Variants in HTR4 observed in about 807,000 individuals in gnomAD.
HTR4 encodes 5-hydroxytryptamine receptor 4, also known as 5-hydroxytryptamine (serotonin) receptor 4, G protein-coupled.
HTR4 carries 16 observed loss-of-function variants against 36.8 expected under a neutral mutation model. The ratio of observed to expected loss-of-function variants is 0.43; its 90% confidence interval spans 0.29 to 0.66. The LOEUF (loss-of-function observed/expected upper bound fraction) is 0.66. HTR4 is among the 30% of genes least tolerant of loss of function. HTR4 has a pLI of 0.13. For missense variants in HTR4, 438 were observed against 490.9 expected (o/e 0.89, Z 1.02); for synonymous variants, 189 against 185.1 (o/e 1.02, Z -0.17).
chr5:148,545,688 G>C (rs115350554), intron 4 of HTR4, among the ~76,000 whole-genome samples: 2,340 of 152,274 alleles, frequency 0.015, 23 homozygotes, highest in Middle Eastern at 0.048. Flanking sequence ...TGAGCAGAGA[G>C]CCCTGGAGAA....
At chr5:148,538,884 T>A (rs1317945631) in intron 4 of HTR4, among the ~76,000 whole-genome samples, 2 of 152,104 alleles carry the variant, frequency 1.3e-5, no homozygotes, top group Non-Finnish European at 2.9e-5. Flanking sequence ...TATTTTAAAA[T>A]TAATATGGAA....
chr5:148,635,554 T>C (rs547197647), intron 2 of HTR4, among the ~76,000 whole-genome samples: 1 of 152,312 alleles, frequency 6.6e-6, no homozygotes, highest in East Asian at 1.9e-4. Context: ...AATCTAATGC[T>C]GCTATAAATA....
At chr5:148,622,438 C>T (rs779238809) in intron 2 of HTR4, among the ~76,000 whole-genome samples, 1 of 152,170 alleles carries the variant, frequency 6.6e-6, no homozygotes, top group African/African-American at 2.4e-5. Context: ...TCCCAACCTA[C>T]AAGAAACACT....
At chr5:148,583,751 T>C (rs1393184182) in intron 2 of HTR4, among the ~76,000 whole-genome samples, 2 of 152,046 alleles carry the variant, frequency 1.3e-5, no homozygotes, top group East Asian at 3.9e-4. Flanking sequence ...ACTGTGGAGA[T>C]GATGAGTCCT....
At position 148,523,265 on chromosome 5, in the gene HTR4, G is replaced by A; in HGVS notation, c.435C>T (p.Cys145=). 2 of 1,613,420 alleles carry A rather than the reference G, an allele frequency of 1.2e-6. No homozygotes were observed. The highest frequency in any genetic ancestry group is 1.7e-6 in the Non-Finnish European group (2 of 1,179,662). ...AAGAAATAAACGTGGGGATGACCCA[G>A]CAGCCTCCCAGCATTAATGCGATGC... The part of the protein sequence containing the change: ...PLRIALMLGG[C]WVIPTFISFL... Residue 145 remains cysteine, a synonymous_variant, in exon 5 of 7, where the codon TGC becomes TGT. Coordinates refer to ENST00000377888, the MANE Select transcript of HTR4 (RefSeq NM_000870.7).
chr5:148,535,487 C>T (rs2113821177), intron 4 of HTR4, among the ~76,000 whole-genome samples: 1 of 152,068 alleles, frequency 6.6e-6, no homozygotes, highest in Non-Finnish European at 1.5e-5. Context: ...CCAAGACACA[C>T]AATAAAATGA....
At chr5:148,594,219 A>C (rs1038664350) in intron 2 of HTR4, among the ~76,000 whole-genome samples, 13 of 152,142 alleles carry the variant, frequency 8.5e-5, no homozygotes, top group African/African-American at 3.1e-4. Flanking sequence ...TCTCACAGAC[A>C]GGTAAATGCT....
intron 1 of HTR4, among the ~76,000 whole-genome samples, chr5:148,637,446 T>C (rs79887119): frequency 0.011 from 1,729 of 152,300 alleles, 38 homozygotes; most frequent in African/African-American, 0.04. Flanking sequence ...ATTTTGTTCC[T>C]ATGAGGATTT....
chr5:148,510,023 A>G lies in HTR4; in HGVS notation c.509T>C (p.Ile170Thr), dbSNP rs1757422854. ...GTTCTGGTTGAACTTCCTCTTTTCT[A>G]TCTGAGAGTTGGAGGGAGAGAGGAA... is the stretch of plus-strand genomic sequence containing the variant. ...GWNNIGIIDL[I>T]EKRKFNQNSN... The change falls in exon 6 of 7, where the codon ATA becomes ACA. Residue 170 changes from isoleucine to threonine, a missense_variant and splice_region_variant. By Grantham distance (89) the Ile-to-Thr change is moderately conservative (BLOSUM62 -1). Transcript: ENST00000377888. The G allele has an allele frequency of 6.2e-7, 1 of 1,603,374 alleles. No individual in the cohort carries two copies. The highest frequency in any genetic ancestry group is 1.7e-4 in the Middle Eastern group (1 of 6,006).
intron 2 of HTR4, among the ~76,000 whole-genome samples, chr5:148,612,673 A>C (rs1752486940): frequency 7.1e-6 from 1 of 141,842 alleles, no homozygotes; most frequent in African/African-American, 2.7e-5. Context: ...AGAAATAACT[A>C]AAATCAGAGC....
intron 2 of HTR4, among the ~76,000 whole-genome samples, chr5:148,550,759 A>T (rs1759642694): frequency 6.6e-6 from 1 of 152,318 alleles, no homozygotes; most frequent in South Asian, 2.1e-4. Context: ...ATGCAACCAC[A>T]GGGTGGAACC....
chr5:148,490,554 G>A, intron 6 of HTR4: 1 of 1,120,700 alleles, frequency 8.9e-7, no homozygotes, highest in South Asian at 2.1e-5. Flanking sequence ...GTAACTCACA[G>A]AATCACAAAA....
chr5:148,561,426 A>G (rs1760201758), intron 2 of HTR4, among the ~76,000 whole-genome samples: 1 of 152,230 alleles, frequency 6.6e-6, no homozygotes, highest in Non-Finnish European at 1.5e-5. Context: ...TTAATCATTA[A>G]GGATTCAATT....
At chr5:148,596,531 C>T (rs925834282) in intron 2 of HTR4, among the ~76,000 whole-genome samples, 4 of 152,142 alleles carry the variant, frequency 2.6e-5, no homozygotes, top group Non-Finnish European at 5.9e-5. Context: ...GGGGCTGGGG[C>T]TGGCTTTTTT....
chr5:148,550,283 C>A, intron 2 of HTR4, 21 bp from the exon 3 acceptor site: 1 of 1,613,300 alleles, frequency 6.2e-7, no homozygotes, highest in Non-Finnish European at 8.5e-7. Context: ...CACACAAGCA[C>A]AAAGAATTGA....
intron 2 of HTR4, among the ~76,000 whole-genome samples, chr5:148,621,466 C>T (rs555412012): frequency 6.6e-6 from 1 of 152,326 alleles, no homozygotes; most frequent in South Asian, 2.1e-4. Context: ...CCTAGCAGTA[C>T]CTGCCAGTTG....
chr5:148,481,834 A>G lies in HTR4; in HGVS notation c.*1369T>C. 1.5e-6 allele frequency: 2 copies of G among 1,329,040 alleles called. No homozygotes were observed. Among genetic ancestry groups the G allele is most frequent in the Non-Finnish European group, 1.9e-6 (2 of 1,046,086 alleles). The allele number at this position is 1,329,040 out of a possible 1,614,324, so 82.3% of individuals were successfully genotyped here. A position where few individuals can be genotyped will look rare whatever the true frequency, so the allele number is the denominator to read the frequency against. ...AGCCACTGACTCAGCTTTGAATAAA[A>G]GACATCCAGATTAATCTGAAGGACA... On this transcript the variant is annotated 3_prime_UTR_variant, in exon 7 of 7. Transcript: ENST00000377888.
chr5:148,507,375 G>T (rs2078413608), intron 6 of HTR4, among the ~76,000 whole-genome samples: 1 of 117,910 alleles, frequency 8.5e-6, no homozygotes, highest in South Asian at 3.3e-4. Context: ...GGCCTGTCGT[G>T]GGGTGGGGGG....
intron 5 of HTR4, among the ~76,000 whole-genome samples, chr5:148,458,809 G>T (rs1257838937): frequency 1.3e-5 from 2 of 152,168 alleles, no homozygotes; most frequent in African/African-American, 2.4e-5. Context: ...AAAGCAATAG[G>T]ATGGCAGCCA....
Sources: allele counts gnomAD v4.1 joint callset (sites outside exome capture counted in the v4.1 genomes callset), GRCh38; gene constraint gnomAD v4.1.1; transcripts MANE v1.5; gene names NCBI Gene and HGNC (gene_info 2026-07-23, HGNC 2026-07-21).